The following KLHL25 variants were observed in gnomAD, a reference collection of about 807,000 sequenced individuals.
The protein encoded by KLHL25 is kelch-like protein 25.
Under a neutral mutation model 30.0 loss-of-function variants are expected in KLHL25, and 41 were observed. That is an observed-to-expected ratio of 1.37 (90% CI 1.07 to 1.78). The LOEUF (loss-of-function observed/expected upper bound fraction) is 1.78, where lower values mean the gene tolerates loss of function less well. Among genes scored for constraint, KLHL25 ranks in the 40% most tolerant of loss-of-function variants. KLHL25 has a pLI of 0.00. For missense variants in KLHL25, 971 were observed against 824.5 expected (o/e 1.18, Z -2.18); for synonymous variants, 399 against 355.3 (o/e 1.12, Z -1.38).
intron 2 of KLHL25, chr15:85,761,560 T>C (rs1053343064): frequency 1.4e-5 from 2 of 142,676 alleles, no homozygotes; most frequent in Non-Finnish European, 3.1e-5. Context: ...TCTTGGCTCT[T>C]TGTCCTTGGG....
intron 1 of KLHL25, among the ~76,000 whole-genome samples, chr15:85,773,416 ACG>A (rs1368339764): frequency 6.6e-6 from 1 of 152,210 alleles, no homozygotes; most frequent in African/African-American, 2.4e-5. Context: ...CATGTGGTAA[ACG>A]CGTGTCATTT....
chr15:85,788,520 G>A (rs1170166123), intron 1 of KLHL25, among the ~76,000 whole-genome samples: 1 of 152,026 alleles, frequency 6.6e-6, no homozygotes, highest in Non-Finnish European at 1.5e-5. Context: ...AACAGATGGG[G>A]GAAAAAAATT....
At chr15:85,775,540 G>A (rs891548557) in intron 1 of KLHL25, among the ~76,000 whole-genome samples, 12 of 152,128 alleles carry the variant, frequency 7.9e-5, no homozygotes, top group Admixed American at 1.3e-4. Context: ...ACCTCAGCAT[G>A]TCCCTTTGCC....
Position 85,789,715 on chromosome 15 carries a change from C to T in KLHL25, c.-11+5051G>A, listed in dbSNP as rs763206557. On this transcript the variant is annotated intron_variant, in intron 1 of 2. Transcript: ENST00000337975. The surrounding 1 kb of genome is among the most constrained non-coding windows in gnomAD (Gnocchi z 4.1). ...GAACTGCTGCCCAGCTCCCTGCCCA[C>T]GACCAGTCAGAGCGATGGCCCTGAG... Among the ~76,000 whole-genome samples, 3 of 152,158 alleles carry T rather than the reference C, an allele frequency of 2.0e-5. No homozygotes were observed. The highest frequency in any genetic ancestry group is 4.4e-5 in the Non-Finnish European group (3 of 68,032).
intron 1 of KLHL25, among the ~76,000 whole-genome samples, chr15:85,782,124 G>A (rs575642248): frequency 6.2e-4 from 94 of 152,120 alleles, no homozygotes; most frequent in African/African-American, 2.2e-3. Context: ...TGAGTAGACT[G>A]CTACACTTGG....
chr15:85,783,495 T>C (rs1453652276), intron 1 of KLHL25, among the ~76,000 whole-genome samples: 1 of 151,838 alleles, frequency 6.6e-6, no homozygotes, highest in East Asian at 2.0e-4. Flanking sequence ...AATTCAAGAC[T>C]AGCCTGGTCA....
intron 2 of KLHL25, chr15:85,764,064 C>T (rs1379947696): frequency 6.6e-6 from 1 of 152,276 alleles, no homozygotes; most frequent in Non-Finnish European, 1.5e-5. Context: ...CTGGCTCAGC[C>T]CTGACAGCTC....
chr15:85,784,482 C>T (rs576828333), intron 1 of KLHL25, among the ~76,000 whole-genome samples: 2 of 151,780 alleles, frequency 1.3e-5, no homozygotes, highest in Admixed American at 6.6e-5. Flanking sequence ...AGTGAGCTGA[C>T]GTTGCTCTAC....
intron 1 of KLHL25, among the ~76,000 whole-genome samples, chr15:85,782,054 A>G (rs1398774861): frequency 6.6e-6 from 1 of 151,772 alleles, no homozygotes; most frequent in East Asian, 1.9e-4. Flanking sequence ...CCTTCTCCAA[A>G]AAAAAAAAGA....
chr15:85,773,593 G>A (rs1253116776), intron 1 of KLHL25, among the ~76,000 whole-genome samples: 3 of 152,134 alleles, frequency 2.0e-5, no homozygotes, highest in Non-Finnish European at 4.4e-5. Context: ...GAGTGGACAC[G>A]TGCCAGGCCT....
At chr15:85,784,257 G>C (rs1484115236) in intron 1 of KLHL25, among the ~76,000 whole-genome samples, 1 of 152,206 alleles carries the variant, frequency 6.6e-6, no homozygotes, top group Non-Finnish European at 1.5e-5. Context: ...GGCTGGGCAC[G>C]GTGGCTCATG....
intron 1 of KLHL25, among the ~76,000 whole-genome samples, chr15:85,781,169 T>C (rs1281331055): frequency 6.6e-6 from 1 of 152,150 alleles, no homozygotes; most frequent in South Asian, 2.1e-4. Flanking sequence ...GGCGGGCACC[T>C]GTAATCCCAG....
intron 1 of KLHL25, chr15:85,770,858 T>G: frequency 3.0e-6 from 1 of 338,696 alleles, no homozygotes; most frequent in East Asian, 8.1e-5. Flanking sequence ...ACAGGTTCAC[T>G]ACTTGCTCAA....
In KLHL25 at chr15:85,769,129, G is replaced by A; in HGVS notation, c.682C>T (p.His228Tyr). Residue 228 changes from histidine to tyrosine, a missense_variant, in exon 2 of 3, where the codon CAC becomes TAC. Transcript: ENST00000337975. ...VKHDLEPRKV[H>Y]LPELLRSVRL... ...ACGCTGCGGAGGAGCTCGGGCAAGT[G>A]GACCTTCCGTGGCTCCAGGTCGTGC... 1 of 1,607,900 alleles carries A rather than the reference G, an allele frequency of 6.2e-7. No homozygotes were observed. The highest frequency in any genetic ancestry group is 8.5e-7 in the Non-Finnish European group (1 of 1,175,592).
chr15:85,769,922 C>T (rs1226965688), intron 1 of KLHL25, 102 bp from the exon 2 acceptor site: 2 of 967,894 alleles, frequency 2.1e-6, no homozygotes, highest in East Asian at 5.3e-5. Context: ...CTCCCACCCA[C>T]TCTCTGCTCA....
Position 85,768,613 on chromosome 15 carries a change from C to T in KLHL25, c.1198G>A (p.Ala400Thr). The stretch of plus-strand genomic sequence containing the variant: ...GAAGGCGAGGCCGGGAAGACCCCTG[C>T]CAGGGATGTGTGTCCCCCCACCACA... ...LYVVGGHTSLAGVFPASPSVS... is the reference protein window; with the variant it reads ...LYVVGGHTSLTGVFPASPSVS... The change falls in exon 2 of 3, where the codon GCA becomes ACA. Residue 400 changes from alanine to threonine, a missense_variant. Physicochemically the swap from Ala to Thr is moderately conservative, Grantham distance 58. Coordinates refer to ENST00000337975, the MANE Select transcript of KLHL25 (RefSeq NM_022480.4). The T allele has an allele frequency of 6.2e-7, 1 of 1,611,798 alleles. No individual in the cohort carries two copies. The highest frequency in any genetic ancestry group is 8.5e-7 in the Non-Finnish European group (1 of 1,178,440).
chr15:85,771,946 G>A (rs2089677991), intron 1 of KLHL25, among the ~76,000 whole-genome samples: 1 of 152,194 alleles, frequency 6.6e-6, no homozygotes, highest in African/African-American at 2.4e-5. Flanking sequence ...CGGGTCTGAG[G>A]GAAGCTTTGC....
In KLHL25 at chr15:85,789,545, T is replaced by A. The variant is rs2089802749; in HGVS notation, c.-11+5221A>T. On this transcript the variant is annotated intron_variant, in intron 1 of 2. Transcript: ENST00000337975. This position sits in a 1 kb window ranked among gnomAD's most constrained non-coding sequence, Gnocchi z 4.1. ...ATAGGCGCCTGCCACCATGTCCAGC[T>A]AATCTGCTGAAGATCTCCCTTGCTC... Among the ~76,000 whole-genome samples, 1 of 152,172 alleles carries A rather than the reference T, an allele frequency of 6.6e-6. No homozygotes were observed. Among genetic ancestry groups the A allele is most frequent in the East Asian group, 1.9e-4 (1 of 5,196 alleles).
chr15:85,766,613 G>GC (rs2089627761), intron 2 of KLHL25, among the ~76,000 whole-genome samples: 1 of 152,208 alleles, frequency 6.6e-6, no homozygotes, highest in African/African-American at 2.4e-5. Flanking sequence ...TCCCTTCACT[G>GC]CAGGGTCTGC....
Sources: allele counts gnomAD v4.1 joint callset (sites outside exome capture counted in the v4.1 genomes callset), GRCh38; gene constraint gnomAD v4.1.1; non-coding constraint Gnocchi (gnomAD v3.1); transcripts MANE v1.5; gene names NCBI Gene and HGNC (gene_info 2026-07-23, HGNC 2026-07-21).